Variants in SLFN12L observed in about 807,000 individuals in gnomAD.
SLFN12L encodes the protein schlafen family member 12-like.
In SLFN12L, 34 loss-of-function variants were observed where a neutral mutation model predicts 34.8. The observed-to-expected ratio is 0.98, with a 90% CI of 0.74 to 1.30. SLFN12L has a LOEUF of 1.30. SLFN12L is among the 50% of genes most tolerant of loss of function. The pLI is 0.00. For missense variants in SLFN12L, 703 were observed against 696.2 expected, an observed-to-expected ratio of 1.01 and a Z score of -0.11; for synonymous variants, 259 against 247.5, an observed-to-expected ratio of 1.05 and a Z score of -0.44.
intron 2 of SLFN12L, among the ~76,000 whole-genome samples, chr17:35,488,767 A>G (rs554613156): frequency 1.3e-5 from 2 of 152,274 alleles, no homozygotes; most frequent in African/African-American, 4.8e-5. Context: ...GAATGAGCAC[A>G]TGCATTGAAA....
intron 1 of SLFN12L, among the ~76,000 whole-genome samples, chr17:35,534,738 T>C (rs2072442808): frequency 6.6e-6 from 1 of 152,166 alleles, no homozygotes. Flanking sequence ...GTTTATGAGA[T>C]ACTGCTTCTC....
chr17:35,488,068 G>C (rs772197475), intron 2 of SLFN12L, among the ~76,000 whole-genome samples: 1 of 152,182 alleles, frequency 6.6e-6, no homozygotes, highest in Non-Finnish European at 1.5e-5. Context: ...AATTAGCCGG[G>C]CATGGTAGCG....
At chr17:35,488,718 C>A (rs1914709654) in intron 2 of SLFN12L, among the ~76,000 whole-genome samples, 1 of 152,176 alleles carries the variant, frequency 6.6e-6, no homozygotes, top group Non-Finnish European at 1.5e-5. Context: ...GAAGTCCCAT[C>A]TAGAATCTTA....
At chr17:35,527,442 A>G (rs895937437) in intron 1 of SLFN12L, among the ~76,000 whole-genome samples, 33 of 152,128 alleles carry the variant, frequency 2.2e-4, no homozygotes, top group African/African-American at 7.5e-4. Flanking sequence ...CATCAATGCA[A>G]AAAATCCTCA....
chr17:35,464,429 C>A lies in SLFN12L; in HGVS notation c.*10494G>T, dbSNP rs376121632. ...TCCTCTCCCTCCTCCCACCCTCCCC[C>A]CCTCAAATAGACCCCAGTGTCTGCT... On this transcript the variant is annotated 3_prime_UTR_variant, in exon 5 of 5. Coordinates refer to ENST00000628453, the MANE Select transcript of SLFN12L (RefSeq NM_001363830.2). 4 of 150,116 alleles carry A rather than the reference C, an allele frequency of 2.7e-5. No individual in the cohort carries two copies. In the East Asian group the frequency reaches 5.9e-4, roughly 22 times the overall value. 9.3% of individuals were successfully genotyped at this position (150,116 alleles called of 1,614,324 possible). A position where few individuals can be genotyped will look rare whatever the true frequency, so the allele number is the denominator to read the frequency against.
intron 1 of SLFN12L, among the ~76,000 whole-genome samples, chr17:35,535,959 G>A (rs2072457459): frequency 8.2e-6 from 1 of 122,566 alleles, no homozygotes; most frequent in African/African-American, 2.9e-5. Context: ...CCCGGCCCTG[G>A]CTAGTTTGTT....
At position 35,470,792 on chromosome 17, in the gene SLFN12L, TCTGAGTTCCCTCCC is replaced by T. The variant is rs1913794393; in HGVS notation, c.*4117_*4130del. ...GTTTGCTGCACCTATTGACCCATCC[TCTGAGTTCCCTCCC>T]CTCACTCTCCCCACCCCACAACAGG... On this transcript the variant is annotated 3_prime_UTR_variant, in exon 5 of 5. Coordinates refer to ENST00000628453, the MANE Select transcript of SLFN12L (RefSeq NM_001363830.2). Among the ~76,000 whole-genome samples the T allele has an allele frequency of 6.6e-6, 1 of 151,906 alleles. No homozygotes were observed. The highest frequency in any genetic ancestry group is 1.5e-5 in the Non-Finnish European group (1 of 67,934).
Position 35,522,767 on chromosome 17 carries a change from G to A in SLFN12L, c.-403C>T. ...CAGTAGTCCTGGCCCTGCCAGGGCTGTTCTATGCTATCAGCAGAGCATCAC... is the reference window on the plus strand; with the variant it reads ...CAGTAGTCCTGGCCCTGCCAGGGCTATTCTATGCTATCAGCAGAGCATCAC... On this transcript the variant is annotated 5_prime_UTR_variant, in exon 2 of 5. Transcript: ENST00000628453. The A allele has an allele frequency of 6.3e-7, 1 of 1,593,196 alleles. No individual in the cohort carries two copies. The highest frequency in any genetic ancestry group is 8.6e-7 in the Non-Finnish European group (1 of 1,162,776).
intron 2 of SLFN12L, among the ~76,000 whole-genome samples, chr17:35,492,329 G>T (rs368461174): frequency 1.3e-5 from 2 of 152,178 alleles, no homozygotes; most frequent in East Asian, 3.9e-4. Flanking sequence ...ACCAGGTTGG[G>T]TGACTTAGCC....
Position 35,469,623 on chromosome 17 carries a change from C to G in SLFN12L, c.*5300G>C, listed in dbSNP as rs1450295839. Among the ~76,000 whole-genome samples the G allele has an allele frequency of 6.6e-6, 1 of 151,974 alleles. No homozygotes were observed. Among genetic ancestry groups the G allele is most frequent in the Non-Finnish European group, 1.5e-5 (1 of 68,008 alleles). The stretch of plus-strand genomic sequence containing the variant: ...TTCTTACGATGATGCCAAATAGGCC[C>G]AGGGGCAATGGGTCTTACTGTGTTT... On this transcript the variant is annotated 3_prime_UTR_variant, in exon 5 of 5. Coordinates refer to ENST00000628453, the MANE Select transcript of SLFN12L (RefSeq NM_001363830.2).
intron 1 of SLFN12L, among the ~76,000 whole-genome samples, chr17:35,532,635 T>G (rs912186025): frequency 6.6e-6 from 1 of 151,910 alleles, no homozygotes; most frequent in Non-Finnish European, 1.5e-5. Context: ...CTCTCACCTA[T>G]AATCCTTACA....
At chr17:35,475,509 T>G in intron 4 of SLFN12L, 24 bp from the exon 5 acceptor site, 1 of 1,537,318 alleles carries the variant, frequency 6.5e-7, no homozygotes, top group Non-Finnish European at 8.7e-7. Context: ...TAATGATAAA[T>G]TATAAAAGAC....
At position 35,469,339 on chromosome 17, in the gene SLFN12L, A is replaced by T. The variant is rs796288814; in HGVS notation, c.*5584T>A. Among the ~76,000 whole-genome samples, 82 of 88,248 alleles carry T rather than the reference A, an allele frequency of 9.3e-4. No individual in the cohort carries two copies. Among genetic ancestry groups the T allele is most frequent in the Non-Finnish European group, 1.7e-3 (72 of 43,194 alleles). 57.9% of individuals were successfully genotyped at this position (88,248 alleles called of 152,430 possible). A position where few individuals can be genotyped will look rare whatever the true frequency, so the allele number is the denominator to read the frequency against. ...TATTATATATATAAATATATATATAATATATATATATATGTATTTCAAACT... is the reference window on the plus strand; with the variant it reads ...TATTATATATATAAATATATATATATTATATATATATATGTATTTCAAACT... On this transcript the variant is annotated 3_prime_UTR_variant, in exon 5 of 5. Transcript: ENST00000628453.
chr17:35,475,628 G>T, intron 4 of SLFN12L, 143 bp from the exon 5 acceptor site: 1 of 1,313,956 alleles, frequency 7.6e-7, no homozygotes, highest in Non-Finnish European at 1.0e-6. Context: ...GCCAGGCATG[G>T]TGGCTCACAC....
At chr17:35,510,871 T>G (rs768875591) in intron 2 of SLFN12L, among the ~76,000 whole-genome samples, 9 of 151,968 alleles carry the variant, frequency 5.9e-5, no homozygotes, top group Non-Finnish European at 8.8e-5. Flanking sequence ...CCTAAATTAT[T>G]TAATTACTAC....
At chr17:35,520,580 A>G (rs1035154540) in intron 2 of SLFN12L, among the ~76,000 whole-genome samples, 3 of 152,134 alleles carry the variant, frequency 2.0e-5, no homozygotes, top group Non-Finnish European at 4.4e-5. Flanking sequence ...CCCGTACTCT[A>G]TTAAAAACAC....
chr17:35,498,182 C>CTT, intron 2 of SLFN12L: 4 of 683,430 alleles, frequency 5.9e-6, no homozygotes, highest in Admixed American at 2.1e-5. Context: ...GAGGCGGCGG[C>CTT]GTGGGGAGCC....
chr17:35,532,211 G>A (rs1318511827), intron 1 of SLFN12L, among the ~76,000 whole-genome samples: 2 of 151,982 alleles, frequency 1.3e-5, no homozygotes, highest in South Asian at 2.1e-4. Flanking sequence ...AGGCCGAGGC[G>A]AGTGGATCAC....
At chr17:35,489,059 G>A (rs1914728023) in intron 2 of SLFN12L, among the ~76,000 whole-genome samples, 1 of 151,616 alleles carries the variant, frequency 6.6e-6, no homozygotes, top group Non-Finnish European at 1.5e-5. Context: ...GACAGAGCGA[G>A]ACTTTGCCTC....
Sources: allele counts gnomAD v4.1 joint callset (sites outside exome capture counted in the v4.1 genomes callset), GRCh38; gene constraint gnomAD v4.1.1; transcripts MANE v1.5; gene names NCBI Gene and HGNC (gene_info 2026-07-23, HGNC 2026-07-21).